CCDC126: variants seen among roughly 807,000 people sequenced by gnomAD.
CCDC126 encodes coiled-coil domain containing 126, also known as coiled-coil domain-containing protein 126.
A neutral mutation model predicts 11.7 loss-of-function variants in CCDC126; 5 were observed. That is an observed-to-expected ratio of 0.43 (90% CI 0.22 to 0.90). CCDC126 has a LOEUF of 0.90. Among genes scored for constraint, CCDC126 ranks in the 40% least tolerant of loss-of-function variants. The pLI is 0.27. For synonymous variants in CCDC126, 60 were observed against 61.9 expected (o/e 0.97, Z 0.14); for missense variants, 150 against 163.1 (o/e 0.92, Z 0.44).
intron 3 of CCDC126, among the ~76,000 whole-genome samples, chr7:23,615,943 A>T (rs1249270960): frequency 6.6e-6 from 1 of 152,270 alleles, no homozygotes; most frequent in Non-Finnish European, 1.5e-5. Flanking sequence ...TGTGACAGAG[A>T]CACAAAGTGA....
intron 3 of CCDC126, among the ~76,000 whole-genome samples, chr7:23,612,145 CAA>C (rs68133290): frequency 1.8e-3 from 97 of 55,358 alleles, no homozygotes; most frequent in African/African-American, 5.1e-3. Context: ...GACTCCGTCT[CAA>C]AAAAAAAAAA....
At chr7:23,625,462 A>T (rs987833665) in intron 3 of CCDC126, among the ~76,000 whole-genome samples, 16 of 152,114 alleles carry the variant, frequency 1.1e-4, no homozygotes, top group African/African-American at 3.4e-4. Flanking sequence ...GCAGACTTTG[A>T]CCAATTCTAT....
chr7:23,629,616 G>A (rs1251861047), intron 3 of CCDC126, among the ~76,000 whole-genome samples: 2 of 151,854 alleles, frequency 1.3e-5, no homozygotes, highest in South Asian at 4.2e-4. Flanking sequence ...GAAAGTCTCA[G>A]GAGAAAAATA....
intron 3 of CCDC126, among the ~76,000 whole-genome samples, chr7:23,633,022 C>T (rs182339553): frequency 2.4e-3 from 360 of 152,094 alleles, no homozygotes; most frequent in Non-Finnish European, 4.5e-3. Context: ...GACGGAGTTT[C>T]GCTCTTGTTG....
At chr7:23,615,557 A>G (rs959873675) in intron 3 of CCDC126, among the ~76,000 whole-genome samples, 2 of 152,234 alleles carry the variant, frequency 1.3e-5, no homozygotes, top group African/African-American at 4.8e-5. Context: ...CTTTCAGCCT[A>G]TCTCAGCTTT....
intron 3 of CCDC126, among the ~76,000 whole-genome samples, chr7:23,633,684 G>A (rs1306599900): frequency 6.6e-6 from 1 of 152,018 alleles, no homozygotes; most frequent in African/African-American, 2.4e-5. Flanking sequence ...GCAACATGGC[G>A]AAACCTTGTC....
chr7:23,604,120 A>G (rs940000264), intron 2 of CCDC126: 1 of 152,220 alleles, frequency 6.6e-6, no homozygotes, highest in Non-Finnish European at 1.5e-5. Context: ...CATCAGCAAC[A>G]TGCTATTATG....
intron 2 of CCDC126, among the ~76,000 whole-genome samples, chr7:23,604,876 T>C (rs2128014340): frequency 6.6e-6 from 1 of 151,770 alleles, no homozygotes; most frequent in Middle Eastern, 3.4e-3. Flanking sequence ...CGGGCGCCTG[T>C]AGTCCCAGCT....
chr7:23,602,502 T>G (rs965073375), intron 2 of CCDC126, among the ~76,000 whole-genome samples: 2 of 152,154 alleles, frequency 1.3e-5, no homozygotes, highest in Non-Finnish European at 2.9e-5. Context: ...ACACAAAGCT[T>G]TCTTTGCTTG....
intron 3 of CCDC126, among the ~76,000 whole-genome samples, chr7:23,636,997 C>G (rs1783239584): frequency 1.6e-5 from 1 of 64,302 alleles, no homozygotes; most frequent in Non-Finnish European, 3.2e-5. Context: ...GCCCCTCTGC[C>G]CGGCCAGCCG....
chr7:23,639,911 C>G (rs1164806135), intron 3 of CCDC126, among the ~76,000 whole-genome samples: 1 of 152,184 alleles, frequency 6.6e-6, no homozygotes, highest in African/African-American at 2.4e-5. Context: ...TGCGGTGGCT[C>G]ACGCCTGTAA....
intron 3 of CCDC126, among the ~76,000 whole-genome samples, chr7:23,636,324 C>T (rs1160429037): frequency 4.6e-3 from 603 of 131,828 alleles, no homozygotes; most frequent in African/African-American, 7.6e-3. Context: ...GGCCCCCCAT[C>T]GTCTGGGATA....
chr7:23,609,732 C>T (rs1481155148), intron 2 of CCDC126, among the ~76,000 whole-genome samples: 1 of 151,762 alleles, frequency 6.6e-6, no homozygotes, highest in Admixed American at 6.6e-5. Context: ...TGTGGTGGTG[C>T]ATGCCTGTGG....
chr7:23,626,659 A>T (rs1210462419), intron 3 of CCDC126, among the ~76,000 whole-genome samples: 4 of 150,196 alleles, frequency 2.7e-5, no homozygotes, highest in African/African-American at 9.8e-5. Flanking sequence ...CCCTCCTCCC[A>T]CCCTCCCCAC....
At chr7:23,619,569 CT>C (rs890479326) in intron 3 of CCDC126, 57 of 236,746 alleles carry the variant, frequency 2.4e-4, no homozygotes, top group Non-Finnish European at 2.8e-4. Flanking sequence ...TTTATTTTTT[CT>C]TTTTTTTAAG....
At chr7:23,611,004 CGTAA>C (rs957852735) in intron 2 of CCDC126, among the ~76,000 whole-genome samples, 163 bp from the exon 3 acceptor site, 3 of 152,016 alleles carry the variant, frequency 2.0e-5, no homozygotes, top group Admixed American at 2.0e-4. Context: ...TGAAAAGATA[CGTAA>C]GTGAGACTGA....
chr7:23,618,854 C>G (rs1782840760), intron 3 of CCDC126, among the ~76,000 whole-genome samples: 1 of 152,034 alleles, frequency 6.6e-6, no homozygotes, highest in South Asian at 2.1e-4. Context: ...CGCGCTTGGC[C>G]TAAATTTTTT....
At chr7:23,627,569 GAA>G (rs561420673) in intron 3 of CCDC126, among the ~76,000 whole-genome samples, 1 of 132,380 alleles carries the variant, frequency 7.6e-6, no homozygotes, top group Admixed American at 7.6e-5. Flanking sequence ...CTCTGTCTCA[GAA>G]AAAAAAAAAA....
At chr7:23,623,627 A>G (rs939491417) in intron 3 of CCDC126, among the ~76,000 whole-genome samples, 3 of 152,056 alleles carry the variant, frequency 2.0e-5, no homozygotes, top group Non-Finnish European at 2.9e-5. Flanking sequence ...GTGATGGTCA[A>G]AGGGTACAAA....
Sources: allele counts gnomAD v4.1 joint callset (sites outside exome capture counted in the v4.1 genomes callset), GRCh38; gene constraint gnomAD v4.1.1; transcripts MANE v1.5; gene names NCBI Gene and HGNC (gene_info 2026-07-23, HGNC 2026-07-21).